The following SMYD3 variants were observed in gnomAD, a reference collection of about 807,000 sequenced individuals.
The protein encoded by SMYD3 is histone-lysine N-methyltransferase SMYD3.
In SMYD3, 36 loss-of-function variants were observed where a neutral mutation model predicts 57.7. The observed-to-expected ratio is 0.62, with a 90% CI of 0.48 to 0.82. The LOEUF (loss-of-function observed/expected upper bound fraction) is 0.82. Among genes scored for constraint, SMYD3 ranks in the 40% least tolerant of loss-of-function variants. The pLI is 0.00. For missense variants in SMYD3, 515 were observed against 538.8 expected (o/e 0.96, Z 0.44); for synonymous variants, 211 against 195.0 (o/e 1.08, Z -0.68).
intron 5 of SMYD3, among the ~76,000 whole-genome samples, chr1:246,117,489 C>T (rs1182020234): frequency 6.6e-6 from 1 of 152,180 alleles, no homozygotes; most frequent in African/African-American, 2.4e-5. Context: ...TTTTTAAAAG[C>T]ATTTTCATAT....
Position 245,749,632 on chromosome 1 carries a change from T to C in SMYD3, c.1218A>G (p.Arg406=). The C allele has an allele frequency of 1.2e-6, 2 of 1,614,160 alleles. No homozygotes were observed. The highest frequency in any genetic ancestry group is 1.7e-6 in the Non-Finnish European group (2 of 1,180,000). The part of the protein sequence containing the change: ...AFDIMRVTHG[R]EHSLIEDLIL... The stretch of plus-strand genomic sequence containing the variant: ...TCAAATCTTCAATCAGGCTGTGTTC[T>C]CTGCCATGTGTCACTCTCATAATAT... Residue 406 remains arginine, a synonymous_variant, in exon 12 of 12, where the codon AGA becomes AGG. Coordinates refer to ENST00000490107, the MANE Select transcript of SMYD3 (RefSeq NM_001167740.2).
chr1:245,843,445 A>G (rs1168821574), intron 10 of SMYD3, among the ~76,000 whole-genome samples: 23 of 152,056 alleles, frequency 1.5e-4, no homozygotes, highest in Admixed American at 9.8e-4. Context: ...ATAAAATAAA[A>G]TCTCCTGCTT....
At chr1:246,029,541 A>C (rs952787678) in intron 5 of SMYD3, among the ~76,000 whole-genome samples, 3 of 151,836 alleles carry the variant, frequency 2.0e-5, no homozygotes. Flanking sequence ...GCGTGGTGAC[A>C]CACGCCTGTA....
chr1:246,048,947 C>T (rs536088861), intron 5 of SMYD3, among the ~76,000 whole-genome samples: 4 of 151,906 alleles, frequency 2.6e-5, no homozygotes, highest in Non-Finnish European at 5.9e-5. Flanking sequence ...AAACAGGAGG[C>T]GATAGTTATT....
At chr1:246,336,146 C>T (rs1209339449) in intron 2 of SMYD3, among the ~76,000 whole-genome samples, 1 of 152,146 alleles carries the variant, frequency 6.6e-6, no homozygotes, top group Non-Finnish European at 1.5e-5. Context: ...TGATCCTAGC[C>T]ATGTGTTGAT....
intron 10 of SMYD3, among the ~76,000 whole-genome samples, chr1:245,774,954 C>T (rs1372959915): frequency 5.9e-5 from 9 of 152,154 alleles, no homozygotes; most frequent in Non-Finnish European, 1.0e-4. Context: ...CCGCCAGCCT[C>T]GGCCTCCCGG....
chr1:246,165,942 A>T (rs575437892), intron 5 of SMYD3, among the ~76,000 whole-genome samples: 1 of 152,154 alleles, frequency 6.6e-6, no homozygotes, highest in African/African-American at 2.4e-5. Flanking sequence ...GTAACCTAAG[A>T]GGGCTGTCTA....
At chr1:246,492,433 C>T (rs953373673) in intron 1 of SMYD3, among the ~76,000 whole-genome samples, 1 of 151,888 alleles carries the variant, frequency 6.6e-6, no homozygotes, top group African/African-American at 2.4e-5. Context: ...AAAGGACAAA[C>T]GATGGATAGG....
chr1:245,875,473 C>T lies in SMYD3; in HGVS notation c.814-11587G>A, dbSNP rs565864910. Reference sequence around the variant, plus strand: ...GAACTGCTCACTGAGCCGCCTGAGTCGTGCACATCTTCCATTAGAACCTGG... The same window carrying T: ...GAACTGCTCACTGAGCCGCCTGAGTTGTGCACATCTTCCATTAGAACCTGG... On this transcript the variant is annotated intron_variant, in intron 8 of 11. Transcript: ENST00000490107. Among the ~76,000 whole-genome samples, 3 of 152,342 alleles carry T rather than the reference C, an allele frequency of 2.0e-5. No homozygotes were observed. In the East Asian group the frequency reaches 5.8e-4, roughly 29 times the overall value.
chr1:246,102,319 A>C (rs1370161543), intron 5 of SMYD3, among the ~76,000 whole-genome samples: 2 of 152,036 alleles, frequency 1.3e-5, no homozygotes, highest in Non-Finnish European at 2.9e-5. Context: ...AATATTTCTC[A>C]CCTGAACCAC....
chr1:245,797,828 CAAA>C (rs559088835), intron 10 of SMYD3, among the ~76,000 whole-genome samples: 167 of 109,418 alleles, frequency 1.5e-3, no homozygotes, highest in Non-Finnish European at 1.7e-3. Context: ...TTCCGGGTTC[CAAA>C]AAAAAAAAAA....
chr1:246,009,292 G>T (rs945721403), intron 5 of SMYD3, among the ~76,000 whole-genome samples: 1 of 152,170 alleles, frequency 6.6e-6, no homozygotes, highest in Non-Finnish European at 1.5e-5. Flanking sequence ...CAAAGTATAC[G>T]TGATTTGTCT....
intron 10 of SMYD3, among the ~76,000 whole-genome samples, chr1:245,826,137 A>T (rs187436639): frequency 2.7e-4 from 41 of 151,704 alleles, no homozygotes; most frequent in Non-Finnish European, 1.3e-4. Flanking sequence ...ACACTGTTGT[A>T]TAACAGTCAT....
At chr1:246,245,765 C>T (rs918406581) in intron 5 of SMYD3, among the ~76,000 whole-genome samples, 8 of 152,184 alleles carry the variant, frequency 5.3e-5, no homozygotes, top group African/African-American at 1.9e-4. Context: ...ATTCATTCTA[C>T]ACCAATGAAC....
chr1:246,215,551 C>T (rs183679471), intron 5 of SMYD3, among the ~76,000 whole-genome samples: 13 of 152,170 alleles, frequency 8.5e-5, no homozygotes, highest in African/African-American at 2.9e-4. Flanking sequence ...TGGGCAGTAA[C>T]ATTAAGTTAG....
chr1:246,049,441 C>T (rs1038396663), intron 5 of SMYD3, among the ~76,000 whole-genome samples: 6 of 150,982 alleles, frequency 4.0e-5, no homozygotes, highest in African/African-American at 1.5e-4. Context: ...GGACTACAGG[C>T]GCCCGCCACC....
chr1:245,878,313 C>T (rs2052599703), intron 8 of SMYD3, among the ~76,000 whole-genome samples: 1 of 152,106 alleles, frequency 6.6e-6, no homozygotes, highest in Non-Finnish European at 1.5e-5. Context: ...GTTTATGCCA[C>T]AGGGAAGGAG....
intron 5 of SMYD3, among the ~76,000 whole-genome samples, chr1:246,031,460 A>G (rs1233739512): frequency 6.6e-6 from 1 of 152,186 alleles, no homozygotes; most frequent in African/African-American, 2.4e-5. Context: ...TTATGGGGCC[A>G]GGCGCAGTGG....
intron 5 of SMYD3, among the ~76,000 whole-genome samples, chr1:246,012,952 C>A (rs956452703): frequency 6.6e-6 from 1 of 152,188 alleles, no homozygotes; most frequent in Non-Finnish European, 1.5e-5. Context: ...GCTGTTTTCA[C>A]TCTTCTGCTA....
Sources: gnomAD v4.1 joint callset for allele counts (sites outside exome capture counted in the v4.1 genomes callset) on GRCh38, gnomAD v4.1.1 for gene constraint, MANE v1.5 for transcripts, NCBI Gene and HGNC (gene_info 2026-07-23, HGNC 2026-07-21) for gene names.